Variants in PIKFYVE observed in about 807,000 individuals in gnomAD.
PIKFYVE encodes phosphoinositide kinase, FYVE-type zinc finger containing, also known as 1-phosphatidylinositol 3-phosphate 5-kinase.
PIKFYVE carries 122 observed loss-of-function variants against 257.9 expected under a neutral mutation model. The ratio of observed to expected loss-of-function variants is 0.47; its 90% CI spans 0.41 to 0.55. PIKFYVE has a LOEUF of 0.55. Among genes scored for constraint, PIKFYVE ranks in the 20% least tolerant of loss-of-function variants. The probability of loss-of-function intolerance (pLI) is 0.00; values close to 1 mark genes in which losing one functional copy is unlikely to be tolerated. For missense variants in PIKFYVE, 2,160 were observed against 2,536.6 expected, an observed-to-expected ratio of 0.85 and a Z score of 3.19; for synonymous variants, 892 against 868.9, an observed-to-expected ratio of 1.03 and a Z score of -0.47.
At chr2:208,274,169 C>A in intron 3 of PIKFYVE, 2 of 1,138,656 alleles carry the variant, frequency 1.8e-6, no homozygotes, top group Middle Eastern at 1.9e-4. Flanking sequence ...CTGCCACTTG[C>A]TCTTGGCCTT....
intron 32 of PIKFYVE, among the ~76,000 whole-genome samples, chr2:208,344,191 T>A (rs2125751195): frequency 6.6e-6 from 1 of 152,300 alleles, no homozygotes; most frequent in Middle Eastern, 3.4e-3. Context: ...AGCAATTTTT[T>A]CCCACTGGAA....
intron 18 of PIKFYVE, 30 bp downstream of exon 18, chr2:208,324,312 T>TA (rs779932377): frequency 6.2e-6 from 10 of 1,606,666 alleles, no homozygotes; most frequent in Admixed American, 1.7e-5. Flanking sequence ...TATTGTATTT[T>TA]AAAAAAATCA....
chr2:208,272,727 A>G (rs111717875), intron 2 of PIKFYVE, among the ~76,000 whole-genome samples: 2,951 of 152,178 alleles, frequency 0.019, 41 homozygotes, highest in African/African-American at 0.038. Context: ...TATTAACTGA[A>G]TTTTATTTAT....
At chr2:208,267,358 A>ATT (rs1457386132) in intron 1 of PIKFYVE, among the ~76,000 whole-genome samples, 2 of 152,120 alleles carry the variant, frequency 1.3e-5, no homozygotes, top group Non-Finnish European at 2.9e-5. Flanking sequence ...AGCAAGGCTA[A>ATT]TTTCCTGTGT....
intron 23 of PIKFYVE, among the ~76,000 whole-genome samples, chr2:208,332,542 G>A (rs6734963): frequency 0.93 from 141,560 of 152,204 alleles, 66,358 homozygotes; most frequent in Non-Finnish European, 0.98. Context: ...TCATCTCAGT[G>A]TGGAAAAACT....
intron 40 of PIKFYVE, 98 bp downstream of exon 40, chr2:208,354,257 T>A: frequency 7.1e-7 from 1 of 1,404,226 alleles, no homozygotes; most frequent in Non-Finnish European, 9.7e-7. Flanking sequence ...TTATTGAATA[T>A]TTTCACAAAC....
At chr2:208,317,266 T>C (rs1480975828) in intron 15 of PIKFYVE, among the ~76,000 whole-genome samples, 1 of 151,670 alleles carries the variant, frequency 6.6e-6, no homozygotes, top group African/African-American at 2.4e-5. Flanking sequence ...CAATCTACAA[T>C]GAACTCAAAC....
At position 208,326,374 on chromosome 2, in the gene PIKFYVE, A is replaced by G; in HGVS notation, c.3563A>G (p.Asn1188Ser). Residue 1188 changes from asparagine to serine, a missense_variant, in exon 20 of 42, where the codon AAT becomes AGT. Around this residue, in one of 12 missense-constraint regions of PIKFYVE, gnomAD observed 522 missense variants for 514.6 expected, o/e 1.01. Coordinates refer to ENST00000264380, the MANE Select transcript of PIKFYVE (RefSeq NM_015040.4). ...TCAAGTGGCCAATCAGGAAGCAAAA[A>G]TGAGGGTGATGAAGAGAGAGGGCTT... ...STSSGQSGSK[N>S]EGDEERGLIL... 6.2e-7 allele frequency: 1 copy of G among 1,613,980 alleles called. No individual in the cohort carries two copies. Among genetic ancestry groups the G allele is most frequent in the Admixed American group, 1.7e-5 (1 of 59,996 alleles).
chr2:208,353,990 C>G lies in PIKFYVE; in HGVS notation c.5937C>G (p.Leu1979=). 2 of 1,614,028 alleles carry G rather than the reference C, an allele frequency of 1.2e-6. No homozygotes were observed. The highest frequency in any genetic ancestry group is 1.7e-6 in the Non-Finnish European group (2 of 1,179,964). The change falls in exon 40 of 42, where the codon CTC becomes CTG. Residue 1979 remains leucine, a synonymous_variant. Coordinates refer to ENST00000264380, the MANE Select transcript of PIKFYVE (RefSeq NM_015040.4). ...SCDVVLLDEN[L]LKMVRDNPLY... is the part of the protein sequence containing the mutation. Reference sequence around the variant, plus strand: ...ATGTGGTCCTGCTAGATGAAAATCTCCTAAAGATGGTTCGAGACAACCCTC... The same window carrying G: ...ATGTGGTCCTGCTAGATGAAAATCTGCTAAAGATGGTTCGAGACAACCCTC...
rs765638390 is a variant in PIKFYVE at position 208,324,251 on chromosome 2, A to G, written c.2300A>G (p.His767Arg). The G allele has an allele frequency of 2.5e-5, 40 of 1,613,928 alleles. No homozygotes were observed. The Middle Eastern group carries it at 4.9e-4, about 20-fold the overall frequency. Residue 767 changes from histidine to arginine, a missense_variant, in exon 18 of 42, where the codon CAT becomes CGT. Transcript: ENST00000264380. ...SRIAQDMLLE[H>R]GITLVINVKS... ...ATTGCCCAGGACATGTTATTGGAAC[A>G]TGGCATTACTTTGGTCATTAATGTA... is the stretch of plus-strand genomic sequence containing the variant.
chr2:208,301,162 G>T, intron 9 of PIKFYVE, 68 bp downstream of exon 9: 1 of 1,572,648 alleles, frequency 6.4e-7, no homozygotes, highest in Non-Finnish European at 8.7e-7. Flanking sequence ...TTTGAAGATA[G>T]TAAGAGTTAC....
At chr2:208,273,981 T>G (rs759427037) in intron 3 of PIKFYVE, 2 of 1,600,190 alleles carry the variant, frequency 1.2e-6, no homozygotes, top group South Asian at 2.2e-5. Context: ...ACAGATTTCT[T>G]GACTATTTTT....
chr2:208,305,985 A>G (rs1438796973), intron 12 of PIKFYVE, among the ~76,000 whole-genome samples: 4 of 152,170 alleles, frequency 2.6e-5, no homozygotes, highest in South Asian at 4.1e-4. Flanking sequence ...TGCGCACTCT[A>G]TTTCGAGCCT....
chr2:208,321,988 A>G (rs1457814510), intron 17 of PIKFYVE, among the ~76,000 whole-genome samples: 1 of 152,218 alleles, frequency 6.6e-6, no homozygotes, highest in Non-Finnish European at 1.5e-5. Flanking sequence ...ATTAGGAAGT[A>G]GCTGAAATAG....
chr2:208,331,255 C>T (rs1174168330), intron 23 of PIKFYVE, among the ~76,000 whole-genome samples: 1 of 152,080 alleles, frequency 6.6e-6, no homozygotes, highest in African/African-American at 2.4e-5. Context: ...CCTTTCTTTA[C>T]TTTTCTAACT....
intron 25 of PIKFYVE, 43 bp from the exon 26 acceptor site, chr2:208,335,750 G>T: frequency 7.0e-7 from 1 of 1,421,052 alleles, no homozygotes; most frequent in South Asian, 1.2e-5. Flanking sequence ...TAGAAAATTT[G>T]ATTCACCCTT....
rs926608917 is a variant in PIKFYVE at position 208,304,172 on chromosome 2, G to A, written c.1322G>A (p.Ser441Asn). 2 of 1,613,952 alleles carry A rather than the reference G, an allele frequency of 1.2e-6. No homozygotes were observed. Among genetic ancestry groups the A allele is most frequent in the African/African-American group, 1.3e-5 (1 of 74,924 alleles). The change falls in exon 11 of 42, where the codon AGT becomes AAT. Residue 441 changes from serine (S) to asparagine (N), a missense_variant and splice_region_variant. Physicochemically the swap from Ser to Asn is conservative, Grantham distance 46. Coordinates refer to ENST00000264380, the MANE Select transcript of PIKFYVE (RefSeq NM_015040.4). ...DEYALYRPLQ[S>N]TEFSETPSPD... ...TGGATCCTGTCTTCATCCTTTCAGAGTACAGAATTTTCTGAGACGCCTTCT... is the reference window on the plus strand; with the variant it reads ...TGGATCCTGTCTTCATCCTTTCAGAATACAGAATTTTCTGAGACGCCTTCT...
At position 208,317,925 on chromosome 2, in the gene PIKFYVE, A is replaced by G; in HGVS notation, c.2066A>G (p.Asn689Ser). The G allele has an allele frequency of 2.5e-6, 4 of 1,613,852 alleles. No homozygotes were observed. Among genetic ancestry groups the G allele is most frequent in the Non-Finnish European group, 3.4e-6 (4 of 1,179,718 alleles). The change falls in exon 16 of 42, where the codon AAC (asparagine) becomes AGC (serine). Residue 689 changes from asparagine to serine, a missense_variant. Coordinates refer to ENST00000264380, the MANE Select transcript of PIKFYVE (RefSeq NM_015040.4). ...GTCAATGGCTTTGTTTGTACCAAGA[A>G]CATTGCACATAAAAAGGTAATGTGA... ...VVVNGFVCTK[N>S]IAHKKMSSCI...
In PIKFYVE at chr2:208,343,933, G is replaced by A. The variant is rs574181958; in HGVS notation, c.5028-1178G>A. Among the ~76,000 whole-genome samples the A allele has an allele frequency of 2.2e-4, 33 of 151,076 alleles. 2 individuals carry two copies. In the South Asian group the frequency reaches 6.1e-3, roughly 28 times the overall value. On this transcript the variant is annotated intron_variant, in intron 32 of 41. Transcript: ENST00000264380. ...TGCAAGCTCCGCCTCCGGGTTTCAC[G>A]CCGTTCTCCTGCCTCAGCCTCCCAA...
Sources: gnomAD v4.1 joint callset for allele counts (sites outside exome capture counted in the v4.1 genomes callset) on GRCh38, gnomAD v4.1.1 for gene constraint, gnomAD v4.1.1 regional missense constraint, MANE v1.5 for transcripts, NCBI Gene and HGNC (gene_info 2026-07-23, HGNC 2026-07-21) for gene names.